FAM222B: variants seen among roughly 807,000 people sequenced by gnomAD.
FAM222B encodes protein FAM222B.
In FAM222B, 12 loss-of-function variants were observed where a neutral mutation model predicts 38.0. That is an observed-to-expected ratio of 0.32 (90% CI 0.20 to 0.51). The LOEUF (loss-of-function observed/expected upper bound fraction) is 0.51. Ranked by LOEUF, FAM222B falls within the 20% of genes least tolerant of loss-of-function variation. The pLI, the probability that FAM222B is intolerant of heterozygous loss-of-function variation, is 0.97. For missense variants in FAM222B, 716 were observed against 754.2 expected (o/e 0.95, Z 0.59); for synonymous variants, 329 against 317.2 (o/e 1.04, Z -0.40).
At chr17:28,823,380 AG>A (rs1222063766) in intron 1 of FAM222B, among the ~76,000 whole-genome samples, 2 of 117,376 alleles carry the variant, frequency 1.7e-5, no homozygotes, top group Non-Finnish European at 3.7e-5. Flanking sequence ...TTTTTTTTTG[AG>A]AAAGTGTCTA....
chr17:28,826,414 C>A (rs1392767014), intron 1 of FAM222B, among the ~76,000 whole-genome samples: 2 of 152,092 alleles, frequency 1.3e-5, no homozygotes, highest in East Asian at 3.9e-4. Flanking sequence ...GACAGGTTGG[C>A]TCACGCCTGT....
intron 1 of FAM222B, among the ~76,000 whole-genome samples, chr17:28,776,269 C>T (rs752989173): frequency 1.7e-3 from 242 of 140,204 alleles, no homozygotes; most frequent in Non-Finnish European, 2.5e-3. Flanking sequence ...CCCAGCTACT[C>T]GGGAGGCTGA....
At chr17:28,766,844 GTA>G in intron 1 of FAM222B, 137 bp from the exon 2 acceptor site, 1 of 570,874 alleles carries the variant, frequency 1.8e-6, no homozygotes, top group Non-Finnish European at 3.1e-6. Context: ...TTGGTTGAAA[GTA>G]TACTTACATC....
intron 1 of FAM222B, chr17:28,812,012 G>T (rs1347722158): frequency 6.6e-6 from 1 of 152,138 alleles, no homozygotes; most frequent in Non-Finnish European, 1.5e-5. Context: ...TCAGTAAAAA[G>T]AGATAAGAGT....
chr17:28,811,868 G>A (rs772959268), intron 1 of FAM222B, among the ~76,000 whole-genome samples: 3 of 152,152 alleles, frequency 2.0e-5, no homozygotes, highest in Non-Finnish European at 4.4e-5. Flanking sequence ...CACGCATGGA[G>A]TACAGTTCCA....
intron 1 of FAM222B, chr17:28,834,663 T>G (rs1396244196): frequency 6.6e-6 from 1 of 152,126 alleles, no homozygotes. Context: ...CAGATCTCTA[T>G]TACAGCACTT....
At chr17:28,793,527 G>A (rs1218740629) in intron 1 of FAM222B, among the ~76,000 whole-genome samples, 1 of 152,084 alleles carries the variant, frequency 6.6e-6, no homozygotes, top group Non-Finnish European at 1.5e-5. Flanking sequence ...ATGGTTTTCA[G>A]TAACCAATGA....
intron 1 of FAM222B, among the ~76,000 whole-genome samples, chr17:28,816,267 C>T (rs1467224076): frequency 1.3e-5 from 2 of 151,912 alleles, no homozygotes; most frequent in Non-Finnish European, 1.5e-5. Flanking sequence ...AGTGGGACTC[C>T]GTCTCAAAAA....
At chr17:28,811,399 C>CACTGCACTCCAGCCTGGGCA (rs1267730083) in intron 1 of FAM222B, among the ~76,000 whole-genome samples, 1 of 152,130 alleles carries the variant, frequency 6.6e-6, no homozygotes, top group Non-Finnish European at 1.5e-5. Context: ...GAGATCGCGC[C>CACTGCACTCCAGCCTGGGCA]ACTGCACTCC....
chr17:28,773,338 C>T (rs1297802862), intron 1 of FAM222B, among the ~76,000 whole-genome samples: 1 of 151,380 alleles, frequency 6.6e-6, no homozygotes, highest in Non-Finnish European at 1.5e-5. Context: ...AAAAATTAGC[C>T]GGGCGTGGTG....
intron 1 of FAM222B, among the ~76,000 whole-genome samples, chr17:28,790,105 G>A (rs188097187): frequency 8.2e-4 from 124 of 151,952 alleles, no homozygotes; most frequent in Non-Finnish European, 1.3e-3. Context: ...TTGATTTACT[G>A]GCCAAATCGG....
intron 1 of FAM222B, among the ~76,000 whole-genome samples, chr17:28,839,628 C>G (rs960858325): frequency 3.9e-5 from 6 of 152,138 alleles, no homozygotes; most frequent in Non-Finnish European, 5.9e-5. Context: ...CTATGCCCAG[C>G]TTTAACATTT....
chr17:28,837,379 G>A (rs1367511348), intron 1 of FAM222B, among the ~76,000 whole-genome samples: 3 of 145,252 alleles, frequency 2.1e-5, no homozygotes, highest in East Asian at 2.1e-4. Context: ...GCAGTGAGCC[G>A]AGATCGAGCC....
At chr17:28,847,929 A>G (rs977793280) in intron 1 of FAM222B, among the ~76,000 whole-genome samples, 1 of 151,220 alleles carries the variant, frequency 6.6e-6, no homozygotes, top group Non-Finnish European at 1.5e-5. Flanking sequence ...AAAAAAAAAG[A>G]AAAGAAAAGA....
chr17:28,771,186 T>G (rs1236108837), intron 1 of FAM222B, among the ~76,000 whole-genome samples: 3 of 151,656 alleles, frequency 2.0e-5, no homozygotes, highest in Admixed American at 6.6e-5. Flanking sequence ...AATAAGAGAG[T>G]GCTTTCTTGG....
chr17:28,782,450 G>A (rs1372151909), intron 1 of FAM222B, among the ~76,000 whole-genome samples: 1 of 152,044 alleles, frequency 6.6e-6, no homozygotes, highest in East Asian at 1.9e-4. Context: ...TAATCTAAAT[G>A]GATTATGGAA....
intron 1 of FAM222B, among the ~76,000 whole-genome samples, chr17:28,794,144 G>A (rs2151881096): frequency 6.6e-6 from 1 of 151,746 alleles, no homozygotes; most frequent in African/African-American, 2.4e-5. Context: ...ACGAAGGCAG[G>A]CAACATCCAA....
chr17:28,835,346 C>T (rs2038807101), intron 1 of FAM222B, among the ~76,000 whole-genome samples: 1 of 151,924 alleles, frequency 6.6e-6, no homozygotes, highest in East Asian at 1.9e-4. Flanking sequence ...ACAGTGAACT[C>T]TTTAAAAATG....
At position 28,792,958 on chromosome 17, in the gene FAM222B, TC is replaced by T. The variant is rs572787762; in HGVS notation, c.-40-26252del. On this transcript the variant is annotated intron_variant, in intron 1 of 2. Transcript: ENST00000581407. ...TTTAAGATAGGGTCTCACTCTGTTG[TC>T]CAGGCTTCATTCAGTGCAGTAGTGT... Among the ~76,000 whole-genome samples, 8 of 152,044 alleles carry T rather than the reference TC, an allele frequency of 5.3e-5. No homozygotes were observed. The East Asian group carries it at 1.5e-3, about 29-fold the overall frequency.
Sources: gnomAD v4.1 joint callset for allele counts (sites outside exome capture counted in the v4.1 genomes callset) on GRCh38, gnomAD v4.1.1 for gene constraint, MANE v1.5 for transcripts, NCBI Gene and HGNC (gene_info 2026-07-23, HGNC 2026-07-21) for gene names.